Variants in MAPK14 observed in about 807,000 individuals in gnomAD.
MAPK14 encodes mitogen-activated protein kinase 14, also known as CSAID-binding protein.
MAPK14 carries 16 observed loss-of-function variants against 49.6 expected under a neutral mutation model. That is an observed-to-expected ratio of 0.32 (90% CI 0.22 to 0.49). The LOEUF (loss-of-function observed/expected upper bound fraction) is 0.49, where lower values mean the gene tolerates loss of function less well. MAPK14 is among the 20% of genes least tolerant of loss of function. The pLI is 0.99. For synonymous variants in MAPK14, 142 were observed against 158.0 expected (o/e 0.90, Z 0.76); for missense variants, 200 against 441.2 (o/e 0.45, Z 4.90).
chr6:36,081,516 G>C (rs1353078391), intron 8 of MAPK14, among the ~76,000 whole-genome samples: 1 of 152,038 alleles, frequency 6.6e-6, no homozygotes, highest in African/African-American at 2.4e-5. Context: ...CCTTTTACCT[G>C]TTTCTTAGAA....
chr6:36,119,540 T>TA, the MAPK14 span, among the ~76,000 whole-genome samples: 356 of 152,232 alleles, frequency 2.3e-3, 1 homozygote, highest in Non-Finnish European at 3.9e-3. Context: ...GAATAGGAAA[T>TA]AAACTGCAGT....
intron 1 of MAPK14, among the ~76,000 whole-genome samples, chr6:36,039,539 C>G (rs1762877878): frequency 6.6e-6 from 1 of 152,038 alleles, no homozygotes; most frequent in Non-Finnish European, 1.5e-5. Context: ...ATTGCATTTT[C>G]AAACTTATGG....
chr6:36,120,583 G>A, the MAPK14 span, among the ~76,000 whole-genome samples: 2 of 152,012 alleles, frequency 1.3e-5, no homozygotes, highest in African/African-American at 4.8e-5. Context: ...TGAGCAATGC[G>A]GTGATAAGTG....
downstream of MAPK14, among the ~76,000 whole-genome samples, chr6:36,115,805 T>G (rs1045860403): frequency 4.6e-5 from 7 of 151,568 alleles, no homozygotes; most frequent in Middle Eastern, 3.2e-3. Context: ...GGCACCCACC[T>G]GGGTCCCAGC....
At chr6:36,050,210 G>A (rs995225609) in intron 1 of MAPK14, among the ~76,000 whole-genome samples, 9 of 152,122 alleles carry the variant, frequency 5.9e-5, no homozygotes, top group Non-Finnish European at 1.3e-4. Flanking sequence ...ATCCAGGTGA[G>A]TACATCAGAG....
intron 10 of MAPK14, among the ~76,000 whole-genome samples, chr6:36,104,418 C>T (rs1765737935): frequency 2.0e-5 from 3 of 151,978 alleles, no homozygotes; most frequent in South Asian, 2.1e-4. Flanking sequence ...GACAGAGTCT[C>T]GCTCTGTCGT....
intron 2 of MAPK14, 141 bp from the exon 3 acceptor site, chr6:36,059,148 C>T (rs575563867): frequency 6.0e-6 from 3 of 503,120 alleles, no homozygotes; most frequent in South Asian, 6.1e-5. Context: ...CCTCGGCCTC[C>T]CAAAGTGTTG....
chr6:36,108,138 G>C (rs1052834135), intron 11 of MAPK14, among the ~76,000 whole-genome samples: 3 of 152,150 alleles, frequency 2.0e-5, no homozygotes, highest in African/African-American at 4.8e-5. Flanking sequence ...CCTCCGTAGA[G>C]AGCTTAAAAG....
At chr6:36,052,878 G>A in intron 2 of MAPK14, 50 bp downstream of exon 2, 1 of 1,536,198 alleles carries the variant, frequency 6.5e-7, no homozygotes, top group South Asian at 1.2e-5. Context: ...AATAGACTGG[G>A]GAAAAATGTT....
chr6:36,064,642 C>T (rs995224076), intron 3 of MAPK14, among the ~76,000 whole-genome samples: 1 of 152,100 alleles, frequency 6.6e-6, no homozygotes, highest in African/African-American at 2.4e-5. Flanking sequence ...ATAAGTTTAG[C>T]TTTTTTATTT....
intron 8 of MAPK14, chr6:36,092,217 C>G: frequency 3.6e-6 from 2 of 551,800 alleles, no homozygotes; most frequent in South Asian, 2.8e-5. Flanking sequence ...TGATTACTGT[C>G]ACGATGTGTG....
At chr6:36,119,333 G>C in the MAPK14 span, among the ~76,000 whole-genome samples, 1 of 152,202 alleles carries the variant, frequency 6.6e-6, no homozygotes, top group Non-Finnish European at 1.5e-5. Context: ...AAAAACTGTA[G>C]AGCTTTCATA....
intron 1 of MAPK14, among the ~76,000 whole-genome samples, chr6:36,034,092 C>G (rs1175149055): frequency 6.6e-6 from 1 of 152,108 alleles, no homozygotes; most frequent in Non-Finnish European, 1.5e-5. Flanking sequence ...TTAACCTCCT[C>G]TTGTGAAAAA....
chr6:36,068,420 C>G (rs1764144086), intron 3 of MAPK14, among the ~76,000 whole-genome samples: 1 of 152,110 alleles, frequency 6.6e-6, no homozygotes, highest in South Asian at 2.1e-4. Context: ...GTGCCCTGAT[C>G]TGAGTTTTAT....
intron 3 of MAPK14, among the ~76,000 whole-genome samples, chr6:36,064,067 T>TGTGTGG (rs1316424262): frequency 2.0e-5 from 1 of 48,954 alleles, no homozygotes; most frequent in Non-Finnish European, 6.9e-5. Context: ...CTTTTCTTTG[T>TGTGTGG]GTGTGTGTGT....
At chr6:36,045,214 C>T (rs1406677586) in intron 1 of MAPK14, among the ~76,000 whole-genome samples, 8 of 151,916 alleles carry the variant, frequency 5.3e-5, no homozygotes, top group African/African-American at 1.7e-4. Context: ...CTTACGACAG[C>T]AATCTGTACT....
At chr6:36,124,150 C>CCCTTCCTCCCTCCCTT in the MAPK14 span, among the ~76,000 whole-genome samples, 1 of 28,884 alleles carries the variant, frequency 3.5e-5, no homozygotes, top group Non-Finnish European at 7.1e-5. Context: ...CTCCCTCCCT[C>CCCTTCCTCCCTCCCTT]CCTTCCTTCC....
At chr6:36,052,600 G>T in intron 1 of MAPK14, 99 bp from the exon 2 acceptor site, 2 of 1,125,450 alleles carry the variant, frequency 1.8e-6, no homozygotes, top group Non-Finnish European at 2.5e-6. Context: ...TTGGTATTTT[G>T]TTATAGACCC....
At chr6:36,088,096 C>T (rs935481543) in intron 8 of MAPK14, among the ~76,000 whole-genome samples, 1 of 152,066 alleles carries the variant, frequency 6.6e-6, no homozygotes, top group Non-Finnish European at 1.5e-5. Context: ...GAAACTGGAC[C>T]CCTTCCTTAC....
Sources: gnomAD v4.1 joint callset for allele counts (sites outside exome capture counted in the v4.1 genomes callset) on GRCh38, gnomAD v4.1.1 for gene constraint, MANE v1.5 for transcripts, NCBI Gene and HGNC (gene_info 2026-07-23, HGNC 2026-07-21) for gene names.